Variants in MTURN observed in about 807,000 individuals in gnomAD.
MTURN encodes maturin, neural progenitor differentiation regulator homolog, also known as maturin.
Under a neutral mutation model 14.9 loss-of-function variants are expected in MTURN, and 7 were observed. The ratio of observed to expected loss-of-function variants is 0.47; its 90% CI spans 0.27 to 0.88. The LOEUF (loss-of-function observed/expected upper bound fraction) is 0.88. MTURN is among the 40% of genes least tolerant of loss of function. The probability of loss-of-function intolerance (pLI) is 0.14; values close to 1 mark genes in which losing one functional copy is unlikely to be tolerated. For synonymous variants in MTURN, 69 were observed against 72.5 expected, an observed-to-expected ratio of 0.95 and a Z score of 0.25; for missense variants, 151 against 174.1, an observed-to-expected ratio of 0.87 and a Z score of 0.75.
intron 1 of MTURN, among the ~76,000 whole-genome samples, chr7:30,138,486 G>A (rs533156226): frequency 6.6e-6 from 1 of 152,200 alleles, no homozygotes; most frequent in African/African-American, 2.4e-5. Context: ...AGTTGTTTGA[G>A]AAAGGTATCT....
chr7:30,156,564 C>T (rs1472625742), intron 2 of MTURN, among the ~76,000 whole-genome samples: 4 of 151,738 alleles, frequency 2.6e-5, no homozygotes, highest in South Asian at 2.1e-4. Context: ...TGGTGGCTCA[C>T]GCCTGTAATC....
chr7:30,157,316 C>G (rs762205229), intron 2 of MTURN, 122 bp from the exon 3 acceptor site: 3 of 634,428 alleles, frequency 4.7e-6, no homozygotes, highest in African/African-American at 3.8e-5. Context: ...GGGTGGTTGA[C>G]GGGGAAGTCT....
At chr7:30,146,075 A>G (rs566921967) in intron 1 of MTURN, 102 bp from the exon 2 acceptor site, 113 of 1,598,942 alleles carry the variant, frequency 7.1e-5, no homozygotes, top group Non-Finnish European at 9.0e-5. Flanking sequence ...CCTTCTTCAA[A>G]TTGATGTTAT....
intron 1 of MTURN, among the ~76,000 whole-genome samples, chr7:30,142,462 A>G (rs1797065868): frequency 6.6e-6 from 1 of 152,202 alleles, no homozygotes; most frequent in African/African-American, 2.4e-5. Flanking sequence ...TCAAATATGT[A>G]GTTAGCCAAA....
Position 30,161,550 on chromosome 7 carries a change from C to T in MTURN, c.*4002C>T, listed in dbSNP as rs999903332. On this transcript the variant is annotated 3_prime_UTR_variant, in exon 3 of 3. Transcript: ENST00000324453. Reference sequence around the variant, plus strand: ...GCAGATCTGAGAGGGGCTCCAGGCACCCGGCAGGTAAATCACAAAGCAAAC... The same window carrying T: ...GCAGATCTGAGAGGGGCTCCAGGCATCCGGCAGGTAAATCACAAAGCAAAC... 6.6e-6 allele frequency: 1 copy of T among 152,248 alleles called. No homozygotes were observed. The highest frequency in any genetic ancestry group is 2.4e-5 in the African/African-American group (1 of 41,444). The allele number at this position is 152,248 out of a possible 1,614,324, so 9.4% of individuals were successfully genotyped here.
At chr7:30,136,132 C>G (rs1796956137) in intron 1 of MTURN, among the ~76,000 whole-genome samples, 1 of 152,246 alleles carries the variant, frequency 6.6e-6, no homozygotes, top group African/African-American at 2.4e-5. Flanking sequence ...AGGCGGTGCC[C>G]TGGCCCTGCT....
In MTURN at chr7:30,161,054, A is replaced by G. The variant is rs1442265361; in HGVS notation, c.*3506A>G. 5 of 152,650 alleles carry G rather than the reference A, an allele frequency of 3.3e-5. No homozygotes were observed. The highest frequency in any genetic ancestry group is 1.2e-4 in the African/African-American group (5 of 41,450). 9.5% of individuals were successfully genotyped at this position (152,650 alleles called of 1,614,324 possible). On this transcript the variant is annotated 3_prime_UTR_variant, in exon 3 of 3. Transcript: ENST00000324453. ...CGTCTCTAGCACAATATATTTCTGA[A>G]TATTGTTTCTGTTTCATAAGAGCAC...
At chr7:30,147,679 A>G (rs1797149223) in intron 2 of MTURN, among the ~76,000 whole-genome samples, 1 of 152,182 alleles carries the variant, frequency 6.6e-6, no homozygotes, top group Non-Finnish European at 1.5e-5. Flanking sequence ...TATTTTTCAT[A>G]TTTAATTCAG....
chr7:30,134,998 A>G lies in MTURN; in HGVS notation c.-139A>G, dbSNP rs1421783978. ...CGCCGCCCGCCCCACTCCGCACCGC[A>G]TGTAAACAGTCCCAGCCGGCCCAGC... On this transcript the variant is annotated 5_prime_UTR_variant, in exon 1 of 3. The change abolishes an upstream ATG in the 5' untranslated region. Transcript: ENST00000324453. 3 of 662,070 alleles carry G rather than the reference A, an allele frequency of 4.5e-6. No individual in the cohort carries two copies. The highest frequency in any genetic ancestry group is 5.7e-6 in the Non-Finnish European group (3 of 527,476). 41.0% of individuals were successfully genotyped at this position (662,070 alleles called of 1,614,324 possible).
chr7:30,155,264 A>G (rs531412930), intron 2 of MTURN, among the ~76,000 whole-genome samples: 1 of 152,266 alleles, frequency 6.6e-6, no homozygotes, highest in South Asian at 2.1e-4. Flanking sequence ...CTTCAATACA[A>G]TGAACAATTA....
At position 30,143,134 on chromosome 7, in the gene MTURN, G is replaced by A. The variant is rs753123974; in HGVS notation, c.163-3043G>A. On this transcript the variant is annotated intron_variant, in intron 1 of 2. Transcript: ENST00000324453. ...CCTGTATCTTCCTAAGAGAATAACC[G>A]CTCTGCCCCCAACCCCCTGCCTGTT... Among the ~76,000 whole-genome samples, 5 of 151,786 alleles carry A rather than the reference G, an allele frequency of 3.3e-5. No homozygotes were observed. In the East Asian group the frequency reaches 5.8e-4, roughly 18 times the overall value.
intron 2 of MTURN, among the ~76,000 whole-genome samples, chr7:30,154,329 C>T (rs1797253647): frequency 6.6e-6 from 1 of 152,146 alleles, no homozygotes; most frequent in Non-Finnish European, 1.5e-5. Context: ...TCATTTAACC[C>T]AGAACTCAGG....
chr7:30,146,068 T>G, intron 1 of MTURN, 109 bp from the exon 2 acceptor site: 1 of 1,598,184 alleles, frequency 6.3e-7, no homozygotes, highest in South Asian at 1.1e-5. Context: ...ATGGAGGCCT[T>G]CTTCAAATTG....
chr7:30,144,928 C>CTTTTTTTTTTT (rs11411711), intron 1 of MTURN, among the ~76,000 whole-genome samples: 3 of 73,974 alleles, frequency 4.1e-5, no homozygotes, highest in Admixed American at 1.9e-4. Flanking sequence ...GACCTCAATA[C>CTTTTTTTTTTT]TTTTTTTTTT....
chr7:30,157,294 A>T, intron 2 of MTURN, 144 bp from the exon 3 acceptor site: 1 of 538,380 alleles, frequency 1.9e-6, no homozygotes, highest in Non-Finnish European at 3.1e-6. Context: ...AAGTTTATGA[A>T]AATCATTGTA....
At chr7:30,154,127 G>C (rs1797250685) in intron 2 of MTURN, among the ~76,000 whole-genome samples, 1 of 152,184 alleles carries the variant, frequency 6.6e-6, no homozygotes, top group Non-Finnish European at 1.5e-5. Flanking sequence ...ATACAGGGGA[G>C]AGAGTCCAGC....
At chr7:30,148,080 A>T (rs1487363743) in intron 2 of MTURN, among the ~76,000 whole-genome samples, 1 of 152,238 alleles carries the variant, frequency 6.6e-6, no homozygotes. Flanking sequence ...AATGTCGTGA[A>T]ATGATGCTAG....
At chr7:30,149,412 G>GC (rs1225047212) in intron 2 of MTURN, among the ~76,000 whole-genome samples, 1 of 152,180 alleles carries the variant, frequency 6.6e-6, no homozygotes, top group East Asian at 1.9e-4. Flanking sequence ...CTCTGGCAGG[G>GC]CCGGTTTACC....
intron 1 of MTURN, among the ~76,000 whole-genome samples, chr7:30,144,106 C>T (rs1797094311): frequency 6.6e-6 from 1 of 152,218 alleles, no homozygotes; most frequent in African/African-American, 2.4e-5. Flanking sequence ...CTCCCCCATC[C>T]TCCTGCAGAT....
Sources: gnomAD v4.1 joint callset for allele counts (sites outside exome capture counted in the v4.1 genomes callset) on GRCh38, gnomAD v4.1.1 for gene constraint, MANE v1.5 for transcripts, NCBI Gene and HGNC (gene_info 2026-07-23, HGNC 2026-07-21) for gene names.